The following MXI1 variants were observed in gnomAD, a reference collection of about 807,000 sequenced individuals.
The protein encoded by MXI1 is MAX interactor 1, dimerization protein, also known as max-interacting protein 1.
MXI1 carries 18 observed loss-of-function variants against 36.9 expected under a neutral mutation model. The ratio of observed to expected loss-of-function variants is 0.49; its 90% CI spans 0.34 to 0.72. The LOEUF (loss-of-function observed/expected upper bound fraction) is 0.72, where lower values mean the gene tolerates loss of function less well. Among genes scored for constraint, MXI1 ranks in the 30% least tolerant of loss-of-function variants. The pLI is 0.01. For missense variants in MXI1, 304 were observed against 379.1 expected, an observed-to-expected ratio of 0.80 and a Z score of 1.64; for synonymous variants, 160 against 146.7, an observed-to-expected ratio of 1.09 and a Z score of -0.65.
intron 5 of MXI1, among the ~76,000 whole-genome samples, chr10:110,281,498 A>G (rs767866287): frequency 2.6e-5 from 4 of 152,188 alleles, no homozygotes; most frequent in Non-Finnish European, 5.9e-5. Context: ...CTTTTAAGAT[A>G]TTAATCTATA....
chr10:110,259,427 A>G (rs1464221838), intron 3 of MXI1, among the ~76,000 whole-genome samples: 1 of 152,040 alleles, frequency 6.6e-6, no homozygotes, highest in African/African-American at 2.4e-5. Flanking sequence ...GCAATATGTT[A>G]TTTTGCTAAA....
intron 1 of MXI1, chr10:110,227,959 G>A: frequency 2.0e-6 from 1 of 508,994 alleles, no homozygotes; most frequent in Admixed American, 3.1e-5. Flanking sequence ...TGGAAAGGGG[G>A]GATAAACTCT....
At chr10:110,231,893 T>C (rs554695404) in intron 2 of MXI1, among the ~76,000 whole-genome samples, 2 of 152,290 alleles carry the variant, frequency 1.3e-5, no homozygotes, top group South Asian at 4.1e-4. Context: ...TTACCTTCAT[T>C]ACTATCCTCC....
chr10:110,280,117 C>G, intron 5 of MXI1, 32 bp downstream of exon 5: 2 of 1,531,188 alleles, frequency 1.3e-6, no homozygotes, highest in East Asian at 2.3e-5. Flanking sequence ...TAATGAAATA[C>G]TAAACATCTC....
At chr10:110,281,795 T>G (rs910710581) in intron 5 of MXI1, among the ~76,000 whole-genome samples, 6 of 152,350 alleles carry the variant, frequency 3.9e-5, no homozygotes, top group African/African-American at 1.4e-4. Flanking sequence ...GAATACTTCA[T>G]AGGTGGTGCT....
At chr10:110,262,770 T>C (rs1472440757) in intron 3 of MXI1, among the ~76,000 whole-genome samples, 2 of 152,134 alleles carry the variant, frequency 1.3e-5, no homozygotes, top group South Asian at 2.1e-4. Flanking sequence ...TCTACCAGTC[T>C]GGTTAATGAC....
intron 3 of MXI1, among the ~76,000 whole-genome samples, chr10:110,259,879 T>C (rs1040120958): frequency 6.6e-6 from 1 of 152,112 alleles, no homozygotes; most frequent in Non-Finnish European, 1.5e-5. Context: ...ATCTGATTAC[T>C]AGCTAACCAG....
At chr10:110,276,291 C>G (rs1482114717) in intron 3 of MXI1, among the ~76,000 whole-genome samples, 2 of 152,130 alleles carry the variant, frequency 1.3e-5, no homozygotes, top group Non-Finnish European at 2.9e-5. Context: ...TTTTACAGGT[C>G]TACCTCCTCC....
intron 3 of MXI1, among the ~76,000 whole-genome samples, chr10:110,276,527 T>A (rs978730674): frequency 2.0e-5 from 3 of 152,228 alleles, no homozygotes; most frequent in Non-Finnish European, 4.4e-5. Context: ...GTCCTTGATA[T>A]CTGTATGACT....
intron 3 of MXI1, among the ~76,000 whole-genome samples, chr10:110,255,021 G>A (rs1391571484): frequency 6.6e-6 from 1 of 151,986 alleles, no homozygotes; most frequent in South Asian, 2.1e-4. Context: ...ATGCCATCCA[G>A]GACTTTCATA....
intron 2 of MXI1, among the ~76,000 whole-genome samples, chr10:110,232,004 A>G (rs1441841437): frequency 6.6e-6 from 1 of 151,136 alleles, no homozygotes; most frequent in African/African-American, 2.4e-5. Context: ...TCTGTTGCCC[A>G]GGCTGGAGTG....
intron 2 of MXI1, among the ~76,000 whole-genome samples, chr10:110,231,067 T>C (rs1855240166): frequency 6.6e-6 from 1 of 152,198 alleles, no homozygotes; most frequent in Non-Finnish European, 1.5e-5. Flanking sequence ...ATGATATGCC[T>C]GATAAAATGT....
At position 110,210,234 on chromosome 10, in the gene MXI1, C is replaced by A. The variant is rs1267242812; in HGVS notation, c.274+2152C>A. 5.1e-6 allele frequency: 5 copies of A among 984,808 alleles called. No homozygotes were observed. The African/African-American group carries it at 8.8e-5, about 17-fold the overall frequency. The allele number at this position is 984,808 out of a possible 1,614,324, so 61.0% of individuals were successfully genotyped here. A position where few individuals can be genotyped will look rare whatever the true frequency, so the allele number is the denominator to read the frequency against. On this transcript the variant is annotated intron_variant, in intron 1 of 5. Coordinates refer to ENST00000332674, the MANE Select transcript of MXI1 (RefSeq NM_130439.3). ...GCCGAGGGGCTTCCTCCCAGCCCAT[C>A]GCCCGAGGCGTCCGCCCTGCAAATC...
intron 3 of MXI1, chr10:110,257,316 T>G (rs1261193156): frequency 6.6e-6 from 1 of 151,928 alleles, no homozygotes; most frequent in Non-Finnish European, 1.5e-5. Context: ...TTTTTGGTTT[T>G]TTTTTTTTTT....
At chr10:110,256,530 G>A (rs150881140) in intron 3 of MXI1, among the ~76,000 whole-genome samples, 3,495 of 141,034 alleles carry the variant, frequency 0.025, 65 homozygotes, top group East Asian at 0.052. Context: ...TTGAACCAAG[G>A]CAGCAGAGGT....
At chr10:110,246,950 T>C (rs111542604) in intron 3 of MXI1, among the ~76,000 whole-genome samples, 7,997 of 152,258 alleles carry the variant, frequency 0.053, 322 homozygotes, top group Middle Eastern at 0.15. Context: ...TTACTCTAAA[T>C]TAGATCATAG....
At chr10:110,247,878 A>G (rs984461798) in intron 3 of MXI1, among the ~76,000 whole-genome samples, 5 of 152,222 alleles carry the variant, frequency 3.3e-5, no homozygotes, top group Non-Finnish European at 5.9e-5. Context: ...TCATGCTGCT[A>G]TAAAGACACA....
chr10:110,234,713 A>G (rs1032060988), intron 2 of MXI1, among the ~76,000 whole-genome samples: 1 of 152,170 alleles, frequency 6.6e-6, no homozygotes, highest in African/African-American at 2.4e-5. Context: ...ATTGCTCTGT[A>G]ATAGAATTTG....
chr10:110,241,746 A>G (rs1855678822), intron 2 of MXI1, among the ~76,000 whole-genome samples: 1 of 151,980 alleles, frequency 6.6e-6, no homozygotes, highest in Admixed American at 6.6e-5. Context: ...ATAGTTAATA[A>G]CGTTTTGGGT....
Sources: gnomAD v4.1 joint callset for allele counts (sites outside exome capture counted in the v4.1 genomes callset) on GRCh38, gnomAD v4.1.1 for gene constraint, MANE v1.5 for transcripts, NCBI Gene and HGNC (gene_info 2026-07-23, HGNC 2026-07-21) for gene names.